EXOC6: variants seen among roughly 807,000 people sequenced by gnomAD.
EXOC6 encodes the protein exocyst complex component 6.
In EXOC6, 60 loss-of-function variants were observed where a neutral mutation model predicts 112.5. The observed-to-expected ratio is 0.53, with a 90% confidence interval of 0.43 to 0.66. The LOEUF (loss-of-function observed/expected upper bound fraction) is 0.66, where lower values mean the gene tolerates loss of function less well. EXOC6 is among the 30% of genes least tolerant of loss of function. The pLI is 0.00. For missense variants in EXOC6, 855 were observed against 957.1 expected, an observed-to-expected ratio of 0.89 and a Z score of 1.41; for synonymous variants, 295 against 308.0, an observed-to-expected ratio of 0.96 and a Z score of 0.44.
Position 93,017,221 on chromosome 10 carries a change from C to A in EXOC6, c.2169+2954C>A, listed in dbSNP as rs184762993. Among the ~76,000 whole-genome samples, 14 of 152,144 alleles carry A rather than the reference C, an allele frequency of 9.2e-5. No individual in the cohort carries two copies. The East Asian group carries it at 2.5e-3, about 27-fold the overall frequency. ...ATTGGCTACAGTCCAAAATTTGCTT[C>A]TTGGCATACAGAGTTATATAATGGA... On this transcript the variant is annotated intron_variant, in intron 20 of 21. Coordinates refer to ENST00000260762, the MANE Select transcript of EXOC6 (RefSeq NM_019053.6).
intron 20 of EXOC6, among the ~76,000 whole-genome samples, chr10:93,020,893 G>A (rs1590056165): frequency 8.1e-6 from 1 of 123,042 alleles, no homozygotes; most frequent in African/African-American, 3.0e-5. Context: ...TCAATACTTT[G>A]TCTCTCCCAA....
intron 18 of EXOC6, among the ~76,000 whole-genome samples, chr10:92,982,935 A>G (rs1165067699): frequency 1.3e-5 from 2 of 152,258 alleles, no homozygotes; most frequent in East Asian, 3.8e-4. Flanking sequence ...AGAACATAAT[A>G]TGCTTTCTTT....
In EXOC6 at chr10:92,899,627, A is replaced by C. The variant is rs747087942; in HGVS notation, c.441A>C (p.Glu147Asp). The change falls in exon 5 of 22, where the codon GAA becomes GAC. Residue 147 changes from glutamate (E) to aspartate (D), a missense_variant. Around this residue, in one of 2 missense-constraint regions of EXOC6, gnomAD observed 405 missense variants for 393.6 expected, o/e 1.03. Transcript: ENST00000260762. ...PVLEMYSKLK[E>D]QMSAKRYYSA... Reference sequence around the variant, plus strand: ...TAGAAATGTACAGTAAGCTGAAAGAACAGATGAGTGCCAAAAGGTGAGTTG... The same window carrying C: ...TAGAAATGTACAGTAAGCTGAAAGACCAGATGAGTGCCAAAAGGTGAGTTG... 6.2e-7 allele frequency: 1 copy of C among 1,609,576 alleles called. No homozygotes were observed. The highest frequency in any genetic ancestry group is 1.1e-5 in the South Asian group (1 of 89,898).
intron 20 of EXOC6, among the ~76,000 whole-genome samples, chr10:93,036,085 G>A (rs947738905): frequency 3.7e-4 from 56 of 152,008 alleles, no homozygotes; most frequent in African/African-American, 1.3e-3. Flanking sequence ...AGGCATGATG[G>A]CGCATGCCTG....
At chr10:92,987,736 G>C (rs907913800) in intron 18 of EXOC6, 8 of 576,436 alleles carry the variant, frequency 1.4e-5, no homozygotes, top group Non-Finnish European at 1.8e-5. Flanking sequence ...TAAATTAAAG[G>C]CTAATTACTT....
intron 18 of EXOC6, among the ~76,000 whole-genome samples, chr10:92,992,387 A>G (rs565583979): frequency 6.6e-6 from 1 of 152,098 alleles, no homozygotes; most frequent in African/African-American, 2.4e-5. Flanking sequence ...CCTTTATAAC[A>G]TATCTATTCT....
chr10:93,025,535 A>G (rs1338499364), intron 20 of EXOC6, among the ~76,000 whole-genome samples: 1 of 152,196 alleles, frequency 6.6e-6, no homozygotes, highest in Non-Finnish European at 1.5e-5. Context: ...TCTTCTTCCA[A>G]ATATAATCCT....
rs1195140797 is a variant in EXOC6 at position 92,893,516 on chromosome 10, T to C, written c.269T>C (p.Leu90Pro). ...LLKVRTDAEK[L>P]KVQVTDTNRR... is the part of the protein sequence containing the mutation. Reference sequence around the variant, plus strand: ...AAAGTAAGGACTGATGCAGAAAAACTGAAGGTAAGAAATATGTTAAAATTA... The same window carrying C: ...AAAGTAAGGACTGATGCAGAAAAACCGAAGGTAAGAAATATGTTAAAATTA... The change falls in exon 2 of 22, where the codon CTG becomes CCG. Residue 90 changes from leucine to proline, a missense_variant. Physicochemically the swap from Leu to Pro is moderately conservative, Grantham distance 98. Transcript: ENST00000260762. 7 of 1,594,630 alleles carry C rather than the reference T, an allele frequency of 4.4e-6. No individual in the cohort carries two copies. The Admixed American group carries it at 1.3e-4, about 29-fold the overall frequency.
At chr10:93,030,884 T>G (rs558814235) in intron 20 of EXOC6, among the ~76,000 whole-genome samples, 1 of 152,332 alleles carries the variant, frequency 6.6e-6, no homozygotes, top group South Asian at 2.1e-4. Context: ...AGTGACATTT[T>G]TCAAGATACA....
intron 1 of EXOC6, among the ~76,000 whole-genome samples, chr10:92,866,518 ATTAAC>A (rs1848181719): frequency 6.6e-6 from 1 of 152,176 alleles, no homozygotes; most frequent in East Asian, 1.9e-4. Flanking sequence ...TTATTTATTA[ATTAAC>A]TTAATATCAA....
rs921717865 is a variant in EXOC6, at chr10:92,950,370, A to G, written c.1417-1903A>G. Among the ~76,000 whole-genome samples, 12 of 152,180 alleles carry G rather than the reference A, an allele frequency of 7.9e-5. No individual in the cohort carries two copies. The East Asian group carries it at 2.3e-3, about 29-fold the overall frequency. Reference sequence around the variant, plus strand: ...TGCAAAAATGTTTTTGTAGATAGCTATGTTAATTTTATTAGAATCATTTGG... The same window carrying G: ...TGCAAAAATGTTTTTGTAGATAGCTGTGTTAATTTTATTAGAATCATTTGG... On this transcript the variant is annotated intron_variant, in intron 14 of 21. Coordinates refer to ENST00000260762, the MANE Select transcript of EXOC6 (RefSeq NM_019053.6).
intron 14 of EXOC6, among the ~76,000 whole-genome samples, chr10:92,950,130 TGTTAATA>T (rs1305232661): frequency 1.3e-5 from 2 of 152,200 alleles, no homozygotes; most frequent in Non-Finnish European, 2.9e-5. Flanking sequence ...AAAGAAGAAC[TGTTAATA>T]GTTAAAGTCA....
chr10:92,994,864 G>A (rs1465342734), intron 18 of EXOC6, among the ~76,000 whole-genome samples: 1 of 151,864 alleles, frequency 6.6e-6, no homozygotes, highest in Non-Finnish European at 1.5e-5. Flanking sequence ...TTTCGGGTGT[G>A]TAAATTTTTG....
chr10:93,021,034 C>G (rs1844759995), intron 20 of EXOC6, among the ~76,000 whole-genome samples: 1 of 152,004 alleles, frequency 6.6e-6, no homozygotes, highest in Non-Finnish European at 1.5e-5. Flanking sequence ...AGACTGAAGT[C>G]TGTCAACACA....
chr10:92,848,440 C>A, upstream of EXOC6: 2 of 805,098 alleles, frequency 2.5e-6, no homozygotes, highest in East Asian at 1.1e-4. Flanking sequence ...AGCGCCCCGC[C>A]CCCGCCCCGC....
At chr10:92,895,533 G>A (rs1032639021) in intron 4 of EXOC6, among the ~76,000 whole-genome samples, 2 of 152,182 alleles carry the variant, frequency 1.3e-5, no homozygotes, top group Middle Eastern at 3.4e-3. Flanking sequence ...TTTTGGAAAC[G>A]CTGTTTCTGG....
intron 1 of EXOC6, among the ~76,000 whole-genome samples, chr10:92,851,574 C>T (rs932241225): frequency 1.3e-4 from 20 of 151,636 alleles, no homozygotes; most frequent in South Asian, 4.2e-4. Flanking sequence ...CGCTTGAATC[C>T]GGGAGGCGGA....
intron 18 of EXOC6, among the ~76,000 whole-genome samples, chr10:92,987,369 G>C (rs971531514): frequency 1.3e-5 from 2 of 152,188 alleles, no homozygotes; most frequent in Non-Finnish European, 1.5e-5. Context: ...TGATGAGAGA[G>C]ACAAAAGTTT....
At chr10:92,903,360 T>A (rs773851703) in intron 5 of EXOC6, among the ~76,000 whole-genome samples, 12 of 151,198 alleles carry the variant, frequency 7.9e-5, no homozygotes, top group Admixed American at 2.0e-4. Context: ...TGTTTATAGA[T>A]CAGAATAAAC....
Sources: allele counts gnomAD v4.1 joint callset (sites outside exome capture counted in the v4.1 genomes callset), GRCh38; gene constraint gnomAD v4.1.1; regional missense constraint gnomAD v4.1.1; transcripts MANE v1.5; gene names NCBI Gene and HGNC (gene_info 2026-07-23, HGNC 2026-07-21).